The following PDE11A variants were observed in gnomAD, a reference collection of about 807,000 sequenced individuals.
PDE11A encodes dual 3',5'-cyclic-AMP and -GMP phosphodiesterase 11A.
A neutral mutation model predicts 100.5 loss-of-function variants in PDE11A; 100 were observed. The ratio of observed to expected loss-of-function variants is 1.00; its 90% CI spans 0.85 to 1.18. PDE11A has a LOEUF of 1.18. Ranked by LOEUF, PDE11A falls within the 50% of genes most tolerant of loss-of-function variation. The probability of loss-of-function intolerance (pLI) is 0.00; values close to 1 mark genes in which losing one functional copy is unlikely to be tolerated. For missense variants in PDE11A, 1,141 were observed against 1,152.6 expected (o/e 0.99, Z 0.15); for synonymous variants, 381 against 420.8 (o/e 0.91, Z 1.16).
At chr2:177,728,998 C>A (rs2081643889) in intron 10 of PDE11A, among the ~76,000 whole-genome samples, 1 of 152,072 alleles carries the variant, frequency 6.6e-6, no homozygotes, top group African/African-American at 2.4e-5. Context: ...GTAAGGGAGT[C>A]ACTTTTATAT....
intron 2 of PDE11A, among the ~76,000 whole-genome samples, chr2:178,005,447 G>C (rs1165048460): frequency 6.6e-6 from 1 of 152,064 alleles, no homozygotes; most frequent in Non-Finnish European, 1.5e-5. Context: ...CAAGAATTCA[G>C]GACCAGCGTG....
chr2:177,687,348 A>G (rs1363106383), intron 15 of PDE11A: 1 of 152,138 alleles, frequency 6.6e-6, no homozygotes, highest in African/African-American at 2.4e-5. Context: ...CATCACATAT[A>G]TCCTTATAAT....
At chr2:177,917,045 G>C (rs751625940) in intron 2 of PDE11A, among the ~76,000 whole-genome samples, 1 of 151,222 alleles carries the variant, frequency 6.6e-6, no homozygotes, top group Non-Finnish European at 1.5e-5. Context: ...CAAAGTGCTG[G>C]GATTACAGGC....
At chr2:178,104,242 CAT>C in intron 2 of PDE11A, 1 of 1,478,656 alleles carries the variant, frequency 6.8e-7, no homozygotes, top group Non-Finnish European at 9.4e-7. Context: ...AATGCCAAAT[CAT>C]ATGCTTTATT....
intron 10 of PDE11A, among the ~76,000 whole-genome samples, chr2:177,748,087 G>T (rs1429706879): frequency 6.6e-6 from 1 of 152,114 alleles, no homozygotes; most frequent in African/African-American, 2.4e-5. Flanking sequence ...GCACTGTGTA[G>T]CTTGTGTCTG....
At chr2:177,908,995 G>A (rs2084833853) in intron 2 of PDE11A, among the ~76,000 whole-genome samples, 1 of 152,080 alleles carries the variant, frequency 6.6e-6, no homozygotes. Context: ...CACTGTGTCC[G>A]ACAAAGCACC....
chr2:177,631,677 A>G (rs537693664), intron 19 of PDE11A, among the ~76,000 whole-genome samples: 1 of 147,298 alleles, frequency 6.8e-6, no homozygotes, highest in East Asian at 2.0e-4. Flanking sequence ...ACATATATAT[A>G]TGGTATTTTA....
chr2:177,804,738 C>G (rs1297578791), intron 9 of PDE11A, among the ~76,000 whole-genome samples: 1 of 151,728 alleles, frequency 6.6e-6, no homozygotes, highest in African/African-American at 2.4e-5. Context: ...TAATGGAATA[C>G]TATTCTGCCA....
chr2:177,681,402 C>T (rs2080861612), intron 15 of PDE11A, among the ~76,000 whole-genome samples: 3 of 152,158 alleles, frequency 2.0e-5, no homozygotes, highest in South Asian at 2.1e-4. Flanking sequence ...AGTGCTTAAA[C>T]GCATAGGCTA....
intron 5 of PDE11A, among the ~76,000 whole-genome samples, chr2:177,855,606 C>T (rs963369028): frequency 5.9e-5 from 9 of 152,148 alleles, no homozygotes; most frequent in African/African-American, 2.2e-4. Context: ...GCTCTATCCC[C>T]AGAGAATTGT....
At chr2:177,880,125 G>C (rs1340099337) in intron 4 of PDE11A, among the ~76,000 whole-genome samples, 1 of 152,222 alleles carries the variant, frequency 6.6e-6, no homozygotes, top group Admixed American at 6.5e-5. Context: ...ATGTAGGAAA[G>C]AACTGAACCT....
intron 5 of PDE11A, among the ~76,000 whole-genome samples, chr2:177,849,745 G>A (rs1427798906): frequency 8.6e-5 from 13 of 150,606 alleles, no homozygotes; most frequent in South Asian, 2.1e-4. Context: ...AGCTGAGATC[G>A]TGCCACTGCA....
chr2:177,874,658 A>ATGTTATTG (rs1490270453), intron 5 of PDE11A, among the ~76,000 whole-genome samples: 2 of 152,234 alleles, frequency 1.3e-5, no homozygotes, highest in Non-Finnish European at 2.9e-5. Flanking sequence ...TTCCAAGCGG[A>ATGTTATTG]TGTTATTGGC....
In PDE11A at chr2:178,096,164, C is replaced by CTTTTTTTTT. The variant is rs1257178630; in HGVS notation, c.162+8137_162+8138insAAAAAAAAA. Among the ~76,000 whole-genome samples the CTTTTTTTTT allele has an allele frequency of 6.2e-4, 68 of 110,242 alleles. 1 individual carries two copies. The highest frequency in any genetic ancestry group is 1.4e-3 in the African/African-American group (39 of 28,388). 72.3% of individuals were successfully genotyped at this position (110,242 alleles called of 152,430 possible). On this transcript the variant is annotated intron_variant, in intron 2 of 20. Transcript: ENST00000358450. ...TCCCCAGAAAACAGGTTTTTCTTTT[C>CTTTTTTTTT]TTTTCTTTTTTTTTTTTGAGATGGA...
intron 7 of PDE11A, among the ~76,000 whole-genome samples, chr2:177,818,329 C>A (rs73977781): frequency 3.1e-4 from 26 of 83,602 alleles, no homozygotes; most frequent in East Asian, 2.6e-3. Flanking sequence ...ATATATATAT[C>A]ATACTCTGAA....
At chr2:177,847,296 T>C (rs1441334524) in intron 5 of PDE11A, among the ~76,000 whole-genome samples, 2 of 152,228 alleles carry the variant, frequency 1.3e-5, no homozygotes, top group Non-Finnish European at 2.9e-5. Flanking sequence ...ATAGGTCTTA[T>C]TTTTGATAAG....
intron 9 of PDE11A, among the ~76,000 whole-genome samples, chr2:177,809,830 A>G (rs1447753443): frequency 6.6e-6 from 1 of 152,220 alleles, no homozygotes; most frequent in African/African-American, 2.4e-5. Context: ...TCAACAGAGT[A>G]AGTTTAAAGG....
chr2:177,820,194 G>A lies in PDE11A; in HGVS notation c.1576+26C>T, dbSNP rs13386827. ...AAACTTCTGTTTCTTTATTCAAGAAGTTTAACTATTTAGGTCATCTCTTAC... is the reference window on the plus strand; with the variant it reads ...AAACTTCTGTTTCTTTATTCAAGAAATTTAACTATTTAGGTCATCTCTTAC... On this transcript the variant is annotated intron_variant, in intron 7 of 19. Coordinates refer to ENST00000286063, the MANE Select transcript of PDE11A (RefSeq NM_016953.4). 0.25 allele frequency: 301,825 copies of A among 1,196,218 alleles called. 40,596 individuals are homozygous for A. Among genetic ancestry groups the A allele is most frequent in the African/African-American group, 0.45 (30,205 of 66,454 alleles). 74.1% of individuals were successfully genotyped at this position (1,196,218 alleles called of 1,614,324 possible).
intron 2 of PDE11A, among the ~76,000 whole-genome samples, chr2:177,996,828 T>C (rs2086081982): frequency 6.6e-6 from 1 of 152,186 alleles, no homozygotes; most frequent in Admixed American, 6.5e-5. Flanking sequence ...CAGTAACTTT[T>C]CAAAACTGAT....
Sources: gnomAD v4.1 joint callset for allele counts (sites outside exome capture counted in the v4.1 genomes callset) on GRCh38, gnomAD v4.1.1 for gene constraint, MANE v1.5 for transcripts, NCBI Gene and HGNC (gene_info 2026-07-23, HGNC 2026-07-21) for gene names.